PGAP2: variants seen among roughly 807,000 people sequenced by gnomAD.
PGAP2 encodes acyltransferase PGAP2.
Under a neutral mutation model 33.2 loss-of-function variants are expected in PGAP2, and 21 were observed. The ratio of observed to expected loss-of-function variants is 0.63; its 90% CI spans 0.45 to 0.91. The LOEUF is 0.91. Among genes scored for constraint, PGAP2 ranks in the 40% least tolerant of loss-of-function variants. The pLI, the probability that PGAP2 is intolerant of heterozygous loss-of-function variation, is 0.00. For missense variants in PGAP2, 345 were observed against 424.0 expected, an observed-to-expected ratio of 0.81 and a Z score of 1.64; for synonymous variants, 161 against 172.9, an observed-to-expected ratio of 0.93 and a Z score of 0.54.
upstream of PGAP2, chr11:3,808,128 G>A (rs2084764918): frequency 2.7e-6 from 4 of 1,462,170 alleles, no homozygotes; most frequent in African/African-American, 1.4e-5. Flanking sequence ...CCGCCCTGAC[G>A]AGCAAAGTTT....
intron 3 of PGAP2, chr11:3,822,871 C>A: frequency 3.5e-6 from 4 of 1,128,958 alleles, no homozygotes; most frequent in South Asian, 1.4e-5. Context: ...AGACACCAGT[C>A]CCTGCAGCTG....
intron 1 of PGAP2, among the ~76,000 whole-genome samples, chr11:3,801,817 C>T (rs1021444021): frequency 2.0e-5 from 3 of 151,630 alleles, no homozygotes; most frequent in South Asian, 2.1e-4. Context: ...TAGTTGCCCA[C>T]GCCTGTAATC....
Position 3,810,262 on chromosome 11 carries a change from A to AAC in PGAP2, c.-10-987_-10-986dup, listed in dbSNP as rs147891778. 4.8e-3 allele frequency among the ~76,000 whole-genome samples: 731 copies of AAC among 152,244 alleles called. 1 individual carries two copies. Among genetic ancestry groups the AAC allele is most frequent in the African/African-American group, 0.017 (705 of 41,548 alleles). On this transcript the variant is annotated intron_variant, in intron 1 of 6. Coordinates refer to ENST00000278243, the MANE Select transcript of PGAP2 (RefSeq NM_014489.4). ...CTTCTGCCTCTCTCACTCCAGTCCTAACCTGACCTTTCTCAAGTTCAGACA... is the reference window on the plus strand; with the variant it reads ...CTTCTGCCTCTCTCACTCCAGTCCTAACACCTGACCTTTCTCAAGTTCAGACA...
upstream of PGAP2, chr11:3,808,512 A>G (rs1367042715): frequency 1.4e-6 from 2 of 1,396,906 alleles, no homozygotes; most frequent in Non-Finnish European, 1.9e-6. Flanking sequence ...ATCTGGGCGC[A>G]GTTTCCTCTC....
chr11:3,808,921 G>T (rs1390221085), intron 1 of PGAP2, among the ~76,000 whole-genome samples: 2 of 152,208 alleles, frequency 1.3e-5, no homozygotes, highest in Non-Finnish European at 2.9e-5. Flanking sequence ...CCTAGGTGGG[G>T]AGGATGGGGC....
At chr11:3,824,634 G>C in intron 5 of PGAP2, 1 of 692,778 alleles carries the variant, frequency 1.4e-6, no homozygotes, top group Non-Finnish European at 2.4e-6. Context: ...ATAGAATGAG[G>C]AGTCGCATCT....
At chr11:3,815,103 C>G (rs1437152699) in intron 2 of PGAP2, among the ~76,000 whole-genome samples, 1 of 150,888 alleles carries the variant, frequency 6.6e-6, no homozygotes, top group Non-Finnish European at 1.5e-5. Flanking sequence ...GTGCCTGGCT[C>G]ATTTTTTGTA....
chr11:3,811,459 G>A lies in PGAP2; in HGVS notation c.165+35G>A. 2 of 1,579,762 alleles carry A rather than the reference G, an allele frequency of 1.3e-6. No individual in the cohort carries two copies. The highest frequency in any genetic ancestry group is 2.7e-5 in the African/African-American group (2 of 74,114). ...GGGGACACTGATACCTCATATTCAG[G>A]CCGATCTGGATCTTCTTTAGATCTT... On this transcript the variant is annotated intron_variant, in intron 2 of 6. Coordinates refer to ENST00000278243, the MANE Select transcript of PGAP2 (RefSeq NM_014489.4). The surrounding 1 kb of genome is among the most constrained non-coding windows in gnomAD (Gnocchi z 4.6).
chr11:3,822,626 C>T (rs2089071776), intron 3 of PGAP2, among the ~76,000 whole-genome samples: 1 of 152,152 alleles, frequency 6.6e-6, no homozygotes, highest in Non-Finnish European at 1.5e-5. Context: ...AGAGTGAGAC[C>T]CTGTCTCAAA....
chr11:3,805,873 GAC>G (rs2084240156), upstream of PGAP2, among the ~76,000 whole-genome samples: 1 of 151,882 alleles, frequency 6.6e-6, no homozygotes, highest in Non-Finnish European at 1.5e-5. Context: ...TTTTAGTAGA[GAC>G]AGGGTTTCAC....
rs886604709 is a variant in PGAP2, at chr11:3,811,961, A to G, written c.165+537A>G. 5.9e-5 allele frequency among the ~76,000 whole-genome samples: 9 copies of G among 152,172 alleles called. No individual in the cohort carries two copies. Among genetic ancestry groups the G allele is most frequent in the Non-Finnish European group, 1.0e-4 (7 of 68,024 alleles). ...GTGATTGTGAGGGTCATGACTGTAT[A>G]TAATGGGTTTGAGTGGGTCGTGTGT... On this transcript the variant is annotated intron_variant, in intron 2 of 6. Transcript: ENST00000278243. The surrounding 1 kb of genome is among the most constrained non-coding windows in gnomAD (Gnocchi z 4.6).
chr11:3,805,808 T>A (rs1477219248), upstream of PGAP2, among the ~76,000 whole-genome samples: 2 of 151,776 alleles, frequency 1.3e-5, no homozygotes, highest in Non-Finnish European at 2.9e-5. Context: ...TGCCTCAGCC[T>A]CCCAAGTAGC....
At position 3,823,193 on chromosome 11, in the gene PGAP2, G is replaced by A. The variant is rs551236311; in HGVS notation, c.349-690G>A. Among the ~76,000 whole-genome samples, 559 of 151,666 alleles carry A rather than the reference G, an allele frequency of 3.7e-3. 3 individuals carry two copies. Among genetic ancestry groups the A allele is most frequent in the African/African-American group, 0.013 (528 of 41,342 alleles). ...TGGGACTACGGGCGCTGGCCACCAC[G>A]CCTGGCTAATTTTTTTTTTTTAAGT... On this transcript the variant is annotated intron_variant, in intron 3 of 6. Coordinates refer to ENST00000278243, the MANE Select transcript of PGAP2 (RefSeq NM_014489.4).
intron 5 of PGAP2, chr11:3,824,813 C>T: frequency 2.1e-6 from 3 of 1,434,774 alleles, no homozygotes; most frequent in Non-Finnish European, 2.7e-6. Flanking sequence ...GGCAGGAATA[C>T]CACTGCTCCT....
chr11:3,823,078 C>T (rs2089257193), intron 3 of PGAP2: 1 of 569,210 alleles, frequency 1.8e-6, no homozygotes, highest in Non-Finnish European at 2.8e-6. Context: ...ACTCTGTTGC[C>T]CAAGCTGGAG....
In PGAP2 at chr11:3,825,437, G is replaced by A. The variant is rs1178472216; in HGVS notation, c.927G>A (p.Gln309=). ...ACAAGGAGCTGCTCATAACCTCTCA[G>A]CCTGAGGAAAAGCGATTCTGAACCC... is the stretch of plus-strand genomic sequence containing the variant. The part of the protein sequence containing the change: ...FGNKELLITS[Q]PEEKRF The change falls in exon 7 of 7, where the codon CAG becomes CAA. Residue 309 remains glutamine, a synonymous_variant. Coordinates refer to ENST00000278243, the MANE Select transcript of PGAP2 (RefSeq NM_014489.4). The A allele has an allele frequency of 6.2e-7, 1 of 1,613,584 alleles. No individual in the cohort carries two copies. Among genetic ancestry groups the A allele is most frequent in the Non-Finnish European group, 8.5e-7 (1 of 1,179,970 alleles).
chr11:3,809,336 C>T (rs1339814451), intron 1 of PGAP2, among the ~76,000 whole-genome samples: 1 of 152,184 alleles, frequency 6.6e-6, no homozygotes, highest in Non-Finnish European at 1.5e-5. Flanking sequence ...TTGGAAGGAC[C>T]TTAGAGGTAA....
In PGAP2 at chr11:3,823,915, C is replaced by T; in HGVS notation, c.381C>T (p.Ala127=). 1.2e-6 allele frequency: 2 copies of T among 1,605,316 alleles called. No individual in the cohort carries two copies. Among genetic ancestry groups the T allele is most frequent in the Non-Finnish European group, 8.5e-7 (1 of 1,179,930 alleles). Residue 127 remains alanine, a synonymous_variant, in exon 4 of 7, where the codon GCC becomes GCT. Transcript: ENST00000278243. ...ATTACCTGCCCTCGGTGAGCTCAGC[C>T]ATCGGCGGGGAGGTGCCCCAGCGCT... The part of the protein sequence containing the change: ...VPNYLPSVSS[A]IGGEVPQRYV...
chr11:3,825,429 A>T lies in PGAP2; in HGVS notation c.919A>T (p.Thr307Ser), dbSNP rs758632618. 5 of 1,613,616 alleles carry T rather than the reference A, an allele frequency of 3.1e-6. No homozygotes were observed. The highest frequency in any genetic ancestry group is 3.3e-5 in the Admixed American group (2 of 59,996). Reference sequence around the variant, plus strand: ...CTTCGGGAACAAGGAGCTGCTCATAACCTCTCAGCCTGAGGAAAAGCGATT... The same window carrying T: ...CTTCGGGAACAAGGAGCTGCTCATATCCTCTCAGCCTGAGGAAAAGCGATT... The part of the protein sequence containing the change: ...WDFGNKELLI[T>S]SQPEEKRF Residue 307 changes from threonine (T) to serine (S), a missense_variant, in exon 7 of 7, where the codon ACC becomes TCC. Coordinates refer to ENST00000278243, the MANE Select transcript of PGAP2 (RefSeq NM_014489.4).
Sources: gnomAD v4.1 joint callset for allele counts (sites outside exome capture counted in the v4.1 genomes callset) on GRCh38, gnomAD v4.1.1 for gene constraint, Gnocchi (gnomAD v3.1) non-coding constraint, MANE v1.5 for transcripts, NCBI Gene and HGNC (gene_info 2026-07-23, HGNC 2026-07-21) for gene names.